TBL1Y: variants seen among roughly 807,000 people sequenced by gnomAD.
TBL1Y encodes transducin beta like 1 Y-linked.
TBL1Y carries 15 observed loss-of-function variants against 12.0 expected under a neutral mutation model. That is an observed-to-expected ratio of 1.25 (90% CI 0.83 to 1.92). The LOEUF is 1.92. TBL1Y is among the 40% of genes most tolerant of loss of function. The pLI, the probability that TBL1Y is intolerant of heterozygous loss-of-function variation, is 0.00. For synonymous variants in TBL1Y, 53 were observed against 42.6 expected (o/e 1.24, Z -0.95); for missense variants, 148 against 116.7 (o/e 1.27, Z -1.24).
chrY:6,987,934 T>C (rs939299855), intron 3 of TBL1Y, among the ~76,000 whole-genome samples: 6 of 32,513 alleles, frequency 1.8e-4, no homozygotes, highest in African/African-American at 4.8e-4. Context: ...AGGTGGCTAG[T>C]GGTAGGCTTT....
At chrY:7,075,539 G>GC (rs2013056863) in intron 13 of TBL1Y, among the ~76,000 whole-genome samples, 1 of 33,659 alleles carries the variant, frequency 3.0e-5, no homozygotes, top group African/African-American at 1.2e-4. Context: ...AATGGAGGCA[G>GC]CACATGCATG....
intron 2 of TBL1Y, among the ~76,000 whole-genome samples, chrY:6,929,562 G>T (rs2011849913): frequency 9.1e-5 from 3 of 32,903 alleles, no homozygotes; most frequent in Non-Finnish European, 2.2e-4. Flanking sequence ...GGTATGCCCG[G>T]GTACAACTGT....
chrY:6,987,990 G>T (rs746565769), intron 3 of TBL1Y, among the ~76,000 whole-genome samples: 1 of 33,163 alleles, frequency 3.0e-5, no homozygotes, highest in South Asian at 7.0e-4. Context: ...ACTGTTGCAG[G>T]CAGTGTAATC....
At chrY:7,075,559 A>G in intron 13 of TBL1Y, among the ~76,000 whole-genome samples, 1 of 33,794 alleles carries the variant, frequency 3.0e-5, no homozygotes, top group African/African-American at 1.2e-4. Flanking sequence ...GACCTCATCC[A>G]GGAATGTTCT....
chrY:6,991,929 C>G, intron 3 of TBL1Y, among the ~76,000 whole-genome samples: 2 of 34,060 alleles, frequency 5.9e-5, no homozygotes, highest in Non-Finnish European at 1.5e-4. Flanking sequence ...CCTCTGAAAC[C>G]TTGGGGAATG....
At chrY:7,062,922 C>G (rs909273043) in intron 7 of TBL1Y, among the ~76,000 whole-genome samples, 1 of 34,202 alleles carries the variant, frequency 2.9e-5, no homozygotes, top group Non-Finnish European at 7.3e-5. Context: ...CAAGGAAATA[C>G]TTTACCAGCT....
At chrY:7,002,597 G>A in intron 4 of TBL1Y, among the ~76,000 whole-genome samples, 1 of 33,894 alleles carries the variant, frequency 3.0e-5, no homozygotes, top group African/African-American at 1.2e-4. Flanking sequence ...CAGAGAGACC[G>A]AGTGGAGTGC....
At chrY:7,014,528 C>A in intron 4 of TBL1Y, among the ~76,000 whole-genome samples, 1 of 31,680 alleles carries the variant, frequency 3.2e-5, no homozygotes, top group African/African-American at 1.2e-4. Context: ...ATCATTTAAC[C>A]AAGCAGAATG....
chrY:7,063,504 A>G (rs2012908676), intron 7 of TBL1Y, among the ~76,000 whole-genome samples: 1 of 32,669 alleles, frequency 3.1e-5, no homozygotes, highest in Non-Finnish European at 7.5e-5. Context: ...AATCGGAATG[A>G]GTCAGGATGG....
intron 2 of TBL1Y, among the ~76,000 whole-genome samples, chrY:6,923,303 G>A: frequency 3.0e-5 from 1 of 33,034 alleles, no homozygotes; most frequent in African/African-American, 1.2e-4. Flanking sequence ...CTGACCTCAC[G>A]TGATCTGCCT....
intron 4 of TBL1Y, among the ~76,000 whole-genome samples, chrY:7,018,287 T>C (rs2012564215): frequency 3.0e-5 from 1 of 33,607 alleles, no homozygotes; most frequent in South Asian, 6.8e-4. Context: ...TCATTGATTA[T>C]ATATAGTACA....
intron 2 of TBL1Y, among the ~76,000 whole-genome samples, chrY:6,967,115 G>A: frequency 6.0e-5 from 2 of 33,158 alleles, no homozygotes; most frequent in Admixed American, 5.5e-4. Context: ...ATGCTTGAAG[G>A]TACTTGCACT....
chrY:6,958,504 T>C (rs769374335), intron 2 of TBL1Y, among the ~76,000 whole-genome samples: 1 of 32,802 alleles, frequency 3.0e-5, no homozygotes, highest in African/African-American at 1.2e-4. Flanking sequence ...GAAACAACAG[T>C]GGGCCCAGGG....
chrY:7,087,583 C>T, intron 17 of TBL1Y, 151 bp downstream of exon 17: 2 of 141,031 alleles, frequency 1.4e-5, no homozygotes, highest in Middle Eastern at 1.9e-3. Context: ...TCTTGCACCC[C>T]ATGTGGGTTG....
At chrY:6,998,092 C>T in intron 4 of TBL1Y, among the ~76,000 whole-genome samples, 5 of 33,833 alleles carry the variant, frequency 1.5e-4, no homozygotes, top group Non-Finnish European at 2.9e-4. Context: ...GCAGCAATTC[C>T]GTTCGTCTCA....
intron 6 of TBL1Y, among the ~76,000 whole-genome samples, chrY:7,040,956 A>G (rs2012718218): frequency 2.9e-5 from 1 of 33,975 alleles, no homozygotes. Flanking sequence ...CATGAGTGAG[A>G]CTGGATGAAT....
At chrY:6,947,734 A>G (rs2011993619) in intron 2 of TBL1Y, among the ~76,000 whole-genome samples, 1 of 34,176 alleles carries the variant, frequency 2.9e-5, no homozygotes, top group Non-Finnish European at 7.3e-5. Flanking sequence ...CAGAAAAGCA[A>G]AAGATTGGCA....
At chrY:7,019,208 G>T (rs2012570194) in intron 4 of TBL1Y, among the ~76,000 whole-genome samples, 1 of 33,736 alleles carries the variant, frequency 3.0e-5, no homozygotes, top group African/African-American at 1.2e-4. Flanking sequence ...TTTTAATAAT[G>T]TTTCAATTTC....
intron 7 of TBL1Y, among the ~76,000 whole-genome samples, chrY:7,059,671 AC>A: frequency 3.0e-5 from 1 of 33,533 alleles, no homozygotes; most frequent in Non-Finnish European, 7.4e-5. Context: ...TATGAAATTG[AC>A]CTTTTGTTTT....
Sources: allele counts gnomAD v4.1 joint callset (sites outside exome capture counted in the v4.1 genomes callset), GRCh38; gene constraint gnomAD v4.1.1; transcripts MANE v1.5; gene names NCBI Gene and HGNC (gene_info 2026-07-23, HGNC 2026-07-21).